Variants in ST7 observed in about 807,000 individuals in gnomAD.
ST7 encodes the protein suppressor of tumorigenicity 7 protein.
Under a neutral mutation model 78.7 loss-of-function variants are expected in ST7, and 28 were observed. The ratio of observed to expected loss-of-function variants is 0.36; its 90% CI spans 0.26 to 0.49. The LOEUF (loss-of-function observed/expected upper bound fraction) is 0.49. Among genes scored for constraint, ST7 ranks in the 20% least tolerant of loss-of-function variants. The pLI, the probability that ST7 is intolerant of heterozygous loss-of-function variation, is 0.99. For synonymous variants in ST7, 247 were observed against 249.6 expected (o/e 0.99, Z 0.10); for missense variants, 418 against 696.0 (o/e 0.60, Z 4.49).
intron 9 of ST7, among the ~76,000 whole-genome samples, chr7:117,165,201 C>T (rs951103005): frequency 6.6e-6 from 1 of 152,100 alleles, no homozygotes; most frequent in Non-Finnish European, 1.5e-5. Flanking sequence ...TTAAAAGTTA[C>T]GCTTAGGAGC....
intron 1 of ST7, among the ~76,000 whole-genome samples, chr7:116,986,122 C>G (rs1416566334): frequency 6.6e-6 from 1 of 152,260 alleles, no homozygotes; most frequent in Non-Finnish European, 1.5e-5. Flanking sequence ...TGTGAGCCAC[C>G]ACGCCCAGCG....
chr7:116,961,554 A>ATGTG, intron 1 of ST7, among the ~76,000 whole-genome samples: 1 of 90,862 alleles, frequency 1.1e-5, no homozygotes, highest in African/African-American at 4.6e-5. Context: ...CTGTATTCCT[A>ATGTG]CGTGTGTGTG....
intron 1 of ST7, among the ~76,000 whole-genome samples, chr7:117,079,192 G>A (rs976403394): frequency 1.3e-5 from 2 of 152,150 alleles, no homozygotes; most frequent in Non-Finnish European, 2.9e-5. Flanking sequence ...TGCTATTTAT[G>A]TAGCATTTAT....
chr7:117,066,395 G>A (rs1217017055), intron 1 of ST7, among the ~76,000 whole-genome samples: 1 of 152,126 alleles, frequency 6.6e-6, no homozygotes, highest in Admixed American at 6.5e-5. Context: ...AAATGAACCT[G>A]TAGCAATGAC....
intron 1 of ST7, among the ~76,000 whole-genome samples, chr7:117,039,206 CA>C (rs1797075883): frequency 6.6e-6 from 1 of 151,976 alleles, no homozygotes; most frequent in Non-Finnish European, 1.5e-5. Flanking sequence ...AATTGGAGGC[CA>C]AAAGGCTTGC....
At chr7:117,041,643 C>A (rs896725821) in intron 1 of ST7, among the ~76,000 whole-genome samples, 1 of 152,010 alleles carries the variant, frequency 6.6e-6, no homozygotes. Context: ...TATATGTATT[C>A]GCTGCATAGG....
chr7:116,989,291 C>G (rs1338447327), intron 1 of ST7, among the ~76,000 whole-genome samples: 1 of 152,174 alleles, frequency 6.6e-6, no homozygotes, highest in Non-Finnish European at 1.5e-5. Context: ...GTAGCTCGTG[C>G]TACCCTTTTG....
chr7:117,050,758 G>A (rs1797744648), intron 1 of ST7, among the ~76,000 whole-genome samples: 3 of 151,934 alleles, frequency 2.0e-5, no homozygotes, highest in Non-Finnish European at 4.4e-5. Flanking sequence ...GTGAAACCCC[G>A]TCTCTACTAA....
chr7:117,023,555 G>A (rs1796035465), intron 1 of ST7, among the ~76,000 whole-genome samples: 1 of 152,112 alleles, frequency 6.6e-6, no homozygotes, highest in South Asian at 2.1e-4. Context: ...TATAGCTTCT[G>A]TAACTCCGTT....
At chr7:117,129,001 G>A (rs987871700) in intron 3 of ST7, among the ~76,000 whole-genome samples, 2 of 151,766 alleles carry the variant, frequency 1.3e-5, no homozygotes, top group Non-Finnish European at 2.9e-5. Flanking sequence ...ATCATAGACT[G>A]TTTTAAAAGA....
chr7:116,972,186 C>G lies in ST7; in HGVS notation c.151+18495C>G, dbSNP rs190569999. On this transcript the variant is annotated intron_variant, in intron 1 of 15. Transcript: ENST00000323984. ...CTTTCTACATCTCATTCAGGTCAAG[C>G]AGAGTCTGGACCAGCATCTTTTGTG... 1.5e-4 allele frequency: 86 copies of G among 555,480 alleles called. No individual in the cohort carries two copies. In the East Asian group the frequency reaches 3.3e-3, roughly 21 times the overall value. 34.4% of individuals were successfully genotyped at this position (555,480 alleles called of 1,614,324 possible). A position where few individuals can be genotyped will look rare whatever the true frequency, so the allele number is the denominator to read the frequency against.
chr7:117,046,239 G>A (rs10255165), intron 1 of ST7, among the ~76,000 whole-genome samples: 18,875 of 151,888 alleles, frequency 0.12, 1,352 homozygotes, highest in East Asian at 0.3. Context: ...TTTCTTTCCC[G>A]CAGCATATAA....
chr7:116,972,885 C>T (rs1217258717), intron 1 of ST7: 14 of 1,315,414 alleles, frequency 1.1e-5, no homozygotes, highest in East Asian at 6.9e-5. Context: ...TGCCCTTAAC[C>T]GCCTCGATGG....
At chr7:117,011,614 A>G (rs1048179655) in intron 1 of ST7, among the ~76,000 whole-genome samples, 1 of 152,096 alleles carries the variant, frequency 6.6e-6, no homozygotes, top group African/African-American at 2.4e-5. Context: ...TCTTTCTCCA[A>G]CCTGGATCAC....
chr7:117,032,156 A>T (rs1159449611), intron 1 of ST7, among the ~76,000 whole-genome samples: 1 of 152,054 alleles, frequency 6.6e-6, no homozygotes, highest in Non-Finnish European at 1.5e-5. Context: ...TGCTGGGATT[A>T]CACGAATGAG....
intron 10 of ST7, among the ~76,000 whole-genome samples, chr7:117,187,376 T>C (rs1200324294): frequency 6.6e-6 from 1 of 152,162 alleles, no homozygotes; most frequent in Non-Finnish European, 1.5e-5. Flanking sequence ...GCATTTTTCT[T>C]GTGCACATAT....
At chr7:117,203,132 A>G (rs913314694) in intron 12 of ST7, among the ~76,000 whole-genome samples, 1 of 152,212 alleles carries the variant, frequency 6.6e-6, no homozygotes, top group African/African-American at 2.4e-5. Context: ...GTCTGTGTCT[A>G]AAAGTCTGAA....
intron 1 of ST7, among the ~76,000 whole-genome samples, chr7:117,005,493 C>G (rs1795119707): frequency 6.6e-6 from 1 of 152,078 alleles, no homozygotes; most frequent in African/African-American, 2.4e-5. Flanking sequence ...AAAAATATTT[C>G]CAATTTTTAC....
chr7:117,225,847 A>G (rs1386774266), intron 15 of ST7, among the ~76,000 whole-genome samples: 1 of 152,234 alleles, frequency 6.6e-6, no homozygotes, highest in Non-Finnish European at 1.5e-5. Flanking sequence ...CCACTGGGAA[A>G]TAGTGGAAAG....
Sources: gnomAD v4.1 joint callset for allele counts (sites outside exome capture counted in the v4.1 genomes callset) on GRCh38, gnomAD v4.1.1 for gene constraint, MANE v1.5 for transcripts, NCBI Gene and HGNC (gene_info 2026-07-23, HGNC 2026-07-21) for gene names.